The following FAM110B variants were observed in gnomAD, a reference collection of about 807,000 sequenced individuals.
FAM110B encodes the protein family with sequence similarity 110 member B, also known as protein FAM110B.
In FAM110B, 6 loss-of-function variants were observed where a neutral mutation model predicts 20.4. The observed-to-expected ratio is 0.29, with a 90% CI of 0.16 to 0.58. The LOEUF is 0.58. Among genes scored for constraint, FAM110B ranks in the 20% least tolerant of loss-of-function variants. FAM110B has a pLI of 0.90. For missense variants in FAM110B, 434 were observed against 498.2 expected, an observed-to-expected ratio of 0.87 and a Z score of 1.23; for synonymous variants, 226 against 214.1, an observed-to-expected ratio of 1.06 and a Z score of -0.49.
intron 1 of FAM110B, among the ~76,000 whole-genome samples, chr8:58,027,700 A>T (rs1804880498): frequency 6.6e-6 from 1 of 152,180 alleles, no homozygotes; most frequent in South Asian, 2.1e-4. Flanking sequence ...TCATACGTGT[A>T]GTCTTTTGTG....
intron 2 of FAM110B, among the ~76,000 whole-genome samples, chr8:58,068,926 GA>G (rs963877333): frequency 6.6e-6 from 1 of 151,954 alleles, no homozygotes; most frequent in Admixed American, 6.6e-5. Flanking sequence ...ATATTCCATA[GA>G]AAACATTTTT....
At chr8:58,096,307 C>T (rs1806626139) in intron 3 of FAM110B, among the ~76,000 whole-genome samples, 2 of 152,100 alleles carry the variant, frequency 1.3e-5, no homozygotes, top group South Asian at 2.1e-4. Context: ...TCCCGAGTAG[C>T]TGGGATTACA....
chr8:58,024,576 A>C (rs181666451), intron 1 of FAM110B, among the ~76,000 whole-genome samples: 42 of 152,346 alleles, frequency 2.8e-4, no homozygotes, highest in African/African-American at 1.0e-3. Flanking sequence ...GATTTGTCCA[A>C]GGTACGTTAT....
chr8:58,128,651 C>A (rs1170606579), intron 3 of FAM110B, among the ~76,000 whole-genome samples: 5 of 152,182 alleles, frequency 3.3e-5, no homozygotes, highest in Non-Finnish European at 7.3e-5. Context: ...AAGTATTTGT[C>A]TTTTGCCCTG....
chr8:58,025,536 G>A (rs1052030477), intron 1 of FAM110B, among the ~76,000 whole-genome samples: 1 of 152,118 alleles, frequency 6.6e-6, no homozygotes, highest in Non-Finnish European at 1.5e-5. Flanking sequence ...GAGGAGCAGT[G>A]AAAGTGTAAA....
At chr8:58,063,369 C>T (rs1805694951) in intron 2 of FAM110B, among the ~76,000 whole-genome samples, 1 of 152,128 alleles carries the variant, frequency 6.6e-6, no homozygotes, top group Non-Finnish European at 1.5e-5. Flanking sequence ...ACTATTGATG[C>T]TGTAGCATTT....
chr8:58,120,768 AGGT>A (rs1563377229), intron 3 of FAM110B, among the ~76,000 whole-genome samples: 1 of 152,194 alleles, frequency 6.6e-6, no homozygotes, highest in Non-Finnish European at 1.5e-5. Context: ...GAAATTCCCA[AGGT>A]GGAGAAACAA....
intron 2 of FAM110B, among the ~76,000 whole-genome samples, chr8:58,053,670 G>T (rs1368405165): frequency 2.0e-5 from 3 of 152,090 alleles, no homozygotes; most frequent in African/African-American, 7.2e-5. Context: ...TTAGACCAGA[G>T]TTTTGGTGCT....
intron 2 of FAM110B, among the ~76,000 whole-genome samples, chr8:58,043,482 TTTA>T (rs1427999270): frequency 5.3e-5 from 8 of 151,502 alleles, no homozygotes; most frequent in African/African-American, 1.7e-4. Context: ...ATATATATTT[TTTA>T]TTATTATACT....
rs1439709904 is a variant in FAM110B, at chr8:58,147,070, C to T, written c.840C>T (p.Tyr280=). Residue 280 remains tyrosine (Y), a synonymous_variant, in exon 4 of 4, where the codon TAC becomes TAT. Transcript: ENST00000519262. The part of the protein sequence containing the change: ...VDADVERFFN[Y]CGLDPEELEN... ...CGGACGTGGAGAGGTTCTTCAACTACTGTGGACTGGACCCGGAAGAGCTGG... is the reference window on the plus strand; with the variant it reads ...CGGACGTGGAGAGGTTCTTCAACTATTGTGGACTGGACCCGGAAGAGCTGG... 1.2e-6 allele frequency: 2 copies of T among 1,614,204 alleles called. No individual in the cohort carries two copies. Among genetic ancestry groups the T allele is most frequent in the African/African-American group, 1.3e-5 (1 of 75,044 alleles).
At chr8:58,020,845 T>G (rs1349441884) in intron 1 of FAM110B, among the ~76,000 whole-genome samples, 1 of 152,202 alleles carries the variant, frequency 6.6e-6, no homozygotes, top group Admixed American at 6.5e-5. Context: ...CTGAGGCTTG[T>G]CTTTCTCTCC....
chr8:58,124,032 A>G (rs1807431833), intron 3 of FAM110B, among the ~76,000 whole-genome samples: 1 of 152,230 alleles, frequency 6.6e-6, no homozygotes, highest in Non-Finnish European at 1.5e-5. Context: ...CTGCTAGCCT[A>G]CTTTACCCTG....
intron 3 of FAM110B, among the ~76,000 whole-genome samples, chr8:58,083,872 C>G (rs945980954): frequency 6.6e-6 from 1 of 152,140 alleles, no homozygotes. Flanking sequence ...CTAAGAAGAA[C>G]AGTAACTAGT....
chr8:58,144,482 G>A (rs1340956582), intron 3 of FAM110B, among the ~76,000 whole-genome samples: 1 of 152,080 alleles, frequency 6.6e-6, no homozygotes, highest in Non-Finnish European at 1.5e-5. Flanking sequence ...TATTGCCTTG[G>A]GGTTTCTCAA....
At chr8:58,004,494 C>CT (rs1253745561) in intron 1 of FAM110B, among the ~76,000 whole-genome samples, 2 of 152,346 alleles carry the variant, frequency 1.3e-5, no homozygotes, top group African/African-American at 4.8e-5. Context: ...CCTGTAATCC[C>CT]AGCACTTTGG....
At chr8:58,024,272 T>C (rs1804812152) in intron 1 of FAM110B, among the ~76,000 whole-genome samples, 1 of 151,836 alleles carries the variant, frequency 6.6e-6, no homozygotes, top group Admixed American at 6.6e-5. Flanking sequence ...GCTTTTTAAG[T>C]TGTCTTTTTC....
chr8:58,144,550 A>T (rs1409499428), intron 3 of FAM110B, among the ~76,000 whole-genome samples: 2 of 152,242 alleles, frequency 1.3e-5, no homozygotes, highest in African/African-American at 4.8e-5. Context: ...TACTAAAATT[A>T]TCTCTAACAA....
intron 3 of FAM110B, among the ~76,000 whole-genome samples, chr8:58,127,042 ACT>A (rs1172494114): frequency 1.3e-5 from 2 of 151,960 alleles, no homozygotes; most frequent in Non-Finnish European, 2.9e-5. Context: ...TTTACAGTTG[ACT>A]CTATGATTTT....
intron 3 of FAM110B, among the ~76,000 whole-genome samples, chr8:58,076,713 T>A (rs993773220): frequency 1.5e-4 from 23 of 152,052 alleles, no homozygotes; most frequent in African/African-American, 4.3e-4. Flanking sequence ...ATAAAGAAGC[T>A]CTCCAGTTAC....
Sources: allele counts gnomAD v4.1 joint callset (sites outside exome capture counted in the v4.1 genomes callset), GRCh38; gene constraint gnomAD v4.1.1; transcripts MANE v1.5; gene names NCBI Gene and HGNC (gene_info 2026-07-23, HGNC 2026-07-21).